LRRC7: variants seen among roughly 807,000 people sequenced by gnomAD.
LRRC7 encodes the protein leucine rich repeat containing 7, also known as leucine-rich repeat-containing protein 7.
LRRC7 carries 23 observed loss-of-function variants against 175.7 expected under a neutral mutation model. The observed-to-expected ratio is 0.13, with a 90% CI of 0.09 to 0.19. The LOEUF (loss-of-function observed/expected upper bound fraction) is 0.19, where lower values mean the gene tolerates loss of function less well. Ranked by LOEUF, LRRC7 falls within the 10% of genes least tolerant of loss-of-function variation. The probability of loss-of-function intolerance (pLI) is 1.00; values close to 1 mark genes in which losing one functional copy is unlikely to be tolerated. For synonymous variants in LRRC7, 685 were observed against 680.9 expected (o/e 1.01, Z -0.09); for missense variants, 1,354 against 1,904.7 (o/e 0.71, Z 5.38).
chr1:69,824,915 T>C (rs917531480), intron 4 of LRRC7, among the ~76,000 whole-genome samples: 2 of 152,198 alleles, frequency 1.3e-5, no homozygotes, highest in East Asian at 3.9e-4. Context: ...CCCTTCTAAC[T>C]TTTGCAGGGC....
intron 8 of LRRC7, among the ~76,000 whole-genome samples, chr1:69,971,982 A>G (rs1209723283): frequency 1.3e-5 from 2 of 152,210 alleles, no homozygotes; most frequent in Non-Finnish European, 2.9e-5. Context: ...ACTTACAGCC[A>G]ACTGATCTTT....
In LRRC7 at chr1:70,016,445, G is replaced by A; in HGVS notation, c.1251-20G>A. On this transcript the variant is annotated intron_variant, in intron 13 of 26. Coordinates refer to ENST00000651989, the MANE Select transcript of LRRC7 (RefSeq NM_001370785.2). ...TTATCCATCTTTACCCATGCTATTA[G>A]ACTTTTTGTGTTTTTGCAGATTGAA... 6.4e-7 allele frequency: 1 copy of A among 1,554,104 alleles called. No individual in the cohort carries two copies. The highest frequency in any genetic ancestry group is 8.7e-7 in the Non-Finnish European group (1 of 1,146,940).
rs1041633799 is a variant in LRRC7, at chr1:70,138,988, A to G, written c.*17101A>G. ...TATGTTTTATTTGCCTATCGGAGAA[A>G]GAGATCTGCCTACCTGCCTTTAGGA... On this transcript the variant is annotated 3_prime_UTR_variant, in exon 27 of 27. Transcript: ENST00000651989. 3 of 152,226 alleles carry G rather than the reference A, an allele frequency of 2.0e-5. No individual in the cohort carries two copies. Among genetic ancestry groups the G allele is most frequent in the African/African-American group, 7.2e-5 (3 of 41,460 alleles). 9.4% of individuals were successfully genotyped at this position (152,226 alleles called of 1,614,324 possible).
intron 23 of LRRC7, among the ~76,000 whole-genome samples, chr1:70,056,904 A>C (rs899489176): frequency 6.6e-6 from 1 of 152,214 alleles, no homozygotes; most frequent in Non-Finnish European, 1.5e-5. Flanking sequence ...AATGATGCAC[A>C]GAAACGTCAA....
chr1:69,834,234 G>T (rs1305238648), intron 5 of LRRC7, among the ~76,000 whole-genome samples: 1 of 151,950 alleles, frequency 6.6e-6, no homozygotes, highest in Non-Finnish European at 1.5e-5. Flanking sequence ...TTTGAATCAT[G>T]ATTTACATAC....
At chr1:69,795,059 C>T (rs79008052) in intron 4 of LRRC7, among the ~76,000 whole-genome samples, 4,720 of 152,270 alleles carry the variant, frequency 0.031, 246 homozygotes, top group African/African-American at 0.11. Flanking sequence ...GATTTCATCA[C>T]ATCAGCCATT....
intron 1 of LRRC7, among the ~76,000 whole-genome samples, chr1:69,622,614 G>A (rs1316692996): frequency 6.6e-6 from 1 of 152,124 alleles, no homozygotes; most frequent in Non-Finnish European, 1.5e-5. Flanking sequence ...GTAATGTTGA[G>A]AATTAAGAGA....
At chr1:69,908,037 G>C (rs2101690197) in intron 7 of LRRC7, among the ~76,000 whole-genome samples, 1 of 152,262 alleles carries the variant, frequency 6.6e-6, no homozygotes, top group Admixed American at 6.5e-5. Context: ...AGATTTTCTA[G>C]TTTATTTGCA....
Position 70,139,433 on chromosome 1 carries a change from T to A in LRRC7, c.*17546T>A, listed in dbSNP as rs1011766793. ...TACGTAACACTGCACAAAGAGCATATTTTATTCAGACCATTTGGATTCAGA... is the reference window on the plus strand; with the variant it reads ...TACGTAACACTGCACAAAGAGCATAATTTATTCAGACCATTTGGATTCAGA... On this transcript the variant is annotated 3_prime_UTR_variant, in exon 27 of 27. Coordinates refer to ENST00000651989, the MANE Select transcript of LRRC7 (RefSeq NM_001370785.2). 2 of 152,176 alleles carry A rather than the reference T, an allele frequency of 1.3e-5. No homozygotes were observed. The highest frequency in any genetic ancestry group is 4.8e-5 in the African/African-American group (2 of 41,448). The allele number at this position is 152,176 out of a possible 1,614,324, so 9.4% of individuals were successfully genotyped here.
intron 2 of LRRC7, among the ~76,000 whole-genome samples, chr1:69,742,996 G>A (rs1015213259): frequency 6.6e-5 from 10 of 151,948 alleles, no homozygotes; most frequent in Admixed American, 5.3e-4. Flanking sequence ...TAGAACATAA[G>A]TGTCACCATA....
At chr1:70,046,897 G>A (rs993347092) in intron 22 of LRRC7, among the ~76,000 whole-genome samples, 6 of 152,020 alleles carry the variant, frequency 3.9e-5, no homozygotes, top group African/African-American at 1.2e-4. Flanking sequence ...CCTCCTGGGC[G>A]CCACTGACCA....
intron 22 of LRRC7, among the ~76,000 whole-genome samples, chr1:70,048,559 T>C (rs1393581941): frequency 6.6e-6 from 1 of 152,110 alleles, no homozygotes. Context: ...GACTCATAGG[T>C]TAAAAACCTC....
chr1:69,795,148 C>T (rs541402634), intron 4 of LRRC7, among the ~76,000 whole-genome samples: 12 of 151,992 alleles, frequency 7.9e-5, no homozygotes, highest in East Asian at 1.9e-4. Flanking sequence ...TTGAGAGGCC[C>T]GGGCCAGGGG....
At chr1:69,882,223 T>C (rs1004706342) in intron 7 of LRRC7, among the ~76,000 whole-genome samples, 1 of 152,038 alleles carries the variant, frequency 6.6e-6, no homozygotes, top group Non-Finnish European at 1.5e-5. Context: ...AGACTAGAGA[T>C]AACTAGATAT....
intron 1 of LRRC7, among the ~76,000 whole-genome samples, chr1:69,620,082 G>C (rs1650316301): frequency 6.6e-6 from 1 of 152,136 alleles, no homozygotes; most frequent in Admixed American, 6.5e-5. Flanking sequence ...CGATTTATCT[G>C]TGTGAACCTG....
chr1:70,048,588 C>T (rs1408663979), intron 22 of LRRC7, among the ~76,000 whole-genome samples: 1 of 152,036 alleles, frequency 6.6e-6, no homozygotes, highest in Non-Finnish European at 1.5e-5. Context: ...ACATTATTAC[C>T]TCACATCATC....
intron 2 of LRRC7, among the ~76,000 whole-genome samples, chr1:69,723,220 G>T (rs768040070): frequency 1.3e-5 from 2 of 151,992 alleles, no homozygotes; most frequent in African/African-American, 2.4e-5. Context: ...ACCTATGATT[G>T]TGAAAAAGTT....
chr1:69,838,320 A>AT (rs1423619008), intron 7 of LRRC7, 37 bp downstream of exon 7: 22 of 1,501,474 alleles, frequency 1.5e-5, no homozygotes, highest in East Asian at 6.8e-5. Context: ...TTGAACTGTG[A>AT]TTTTTTTCAC....
At chr1:69,774,781 G>GA (rs1205666224) in intron 3 of LRRC7, among the ~76,000 whole-genome samples, 5 of 151,992 alleles carry the variant, frequency 3.3e-5, no homozygotes, top group African/African-American at 9.7e-5. Flanking sequence ...GGAAGATTAG[G>GA]AAAAAAACTG....
Sources: allele counts gnomAD v4.1 joint callset (sites outside exome capture counted in the v4.1 genomes callset), GRCh38; gene constraint gnomAD v4.1.1; transcripts MANE v1.5; gene names NCBI Gene and HGNC (gene_info 2026-07-23, HGNC 2026-07-21).